The following TEAD1 variants were observed in gnomAD, a reference collection of about 807,000 sequenced individuals.
TEAD1 encodes the protein transcriptional enhancer factor TEF-1.
A neutral mutation model predicts 54.9 loss-of-function variants in TEAD1; 9 were observed. That is an observed-to-expected ratio of 0.16 (90% CI 0.10 to 0.29). The LOEUF (loss-of-function observed/expected upper bound fraction) is 0.29, where lower values mean the gene tolerates loss of function less well. Ranked by LOEUF, TEAD1 falls within the 10% of genes least tolerant of loss-of-function variation. The probability of loss-of-function intolerance (pLI) is 1.00; values close to 1 mark genes in which losing one functional copy is unlikely to be tolerated. For synonymous variants in TEAD1, 200 were observed against 187.8 expected, an observed-to-expected ratio of 1.07 and a Z score of -0.53; for missense variants, 387 against 535.9, an observed-to-expected ratio of 0.72 and a Z score of 2.74.
chr11:12,915,264 C>G (rs1188841528), intron 10 of TEAD1, among the ~76,000 whole-genome samples: 1 of 152,120 alleles, frequency 6.6e-6, no homozygotes, highest in African/African-American at 2.4e-5. Flanking sequence ...TGTCATCCGC[C>G]AAATGCTGCC....
chr11:12,846,292 A>G (rs1279523710), intron 3 of TEAD1, among the ~76,000 whole-genome samples: 1 of 151,780 alleles, frequency 6.6e-6, no homozygotes, highest in Admixed American at 6.6e-5. Context: ...CACAGCTTAA[A>G]CACCTGCCCA....
intron 3 of TEAD1, among the ~76,000 whole-genome samples, chr11:12,765,707 C>G (rs1458871923): frequency 6.6e-6 from 1 of 152,148 alleles, no homozygotes; most frequent in African/African-American, 2.4e-5. Flanking sequence ...ATTGGAGTCT[C>G]TCAGCCTGTC....
rs752522355 is a variant in TEAD1 at position 12,881,971 on chromosome 11, A to C, written c.574+14A>C. The C allele has an allele frequency of 1.9e-5, 30 of 1,613,942 alleles. No homozygotes were observed. Among genetic ancestry groups the C allele is most frequent in the South Asian group, 1.8e-4 (16 of 91,082 alleles). On this transcript the variant is annotated intron_variant, in intron 8 of 12. Coordinates refer to ENST00000527636, the MANE Select transcript of TEAD1 (RefSeq NM_021961.6). ...CCCCCATTCCAGGTGAGTGTCCCTG[A>C]AACTCCTTTTTGGGAGCACAGCCCC...
chr11:12,763,730 T>C (rs556171235), intron 2 of TEAD1, among the ~76,000 whole-genome samples: 1 of 152,340 alleles, frequency 6.6e-6, no homozygotes, highest in East Asian at 1.9e-4. Context: ...TGTTCTGCTT[T>C]GGAGATTTGA....
At chr11:12,816,262 G>T (rs1192330434) in intron 3 of TEAD1, among the ~76,000 whole-genome samples, 1 of 152,020 alleles carries the variant, frequency 6.6e-6, no homozygotes, top group Non-Finnish European at 1.5e-5. Flanking sequence ...TCTCATTCCA[G>T]TGTCTCTGAC....
Position 12,741,915 on chromosome 11 carries a change from C to T in TEAD1, c.-54-22264C>T, listed in dbSNP as rs146981211. Among the ~76,000 whole-genome samples, 953 of 152,304 alleles carry T rather than the reference C, an allele frequency of 6.3e-3. 4 individuals are homozygous for T. The highest frequency in any genetic ancestry group is 0.017 in the Middle Eastern group (5 of 292). ...CTGCCTTGCTTTTCAGCAGAAAAAT[C>T]ATGTGGCTGTCTGTTACCTCAGCTT... is the stretch of plus-strand genomic sequence containing the variant. On this transcript the variant is annotated intron_variant, in intron 2 of 12. Transcript: ENST00000527636.
chr11:12,864,590 G>A (rs1589938022), intron 4 of TEAD1: 1 of 1,042,406 alleles, frequency 9.6e-7, no homozygotes, highest in Non-Finnish European at 1.3e-6. Flanking sequence ...CCCTCCCAAA[G>A]AGTAGCGATT....
intron 11 of TEAD1, among the ~76,000 whole-genome samples, chr11:12,927,250 G>C (rs1357237314): frequency 6.6e-6 from 1 of 152,162 alleles, no homozygotes; most frequent in Non-Finnish European, 1.5e-5. Context: ...GTGTGAAGTA[G>C]TAGTCCACTT....
chr11:12,683,125 T>C (rs781230836), intron 2 of TEAD1, among the ~76,000 whole-genome samples: 6 of 152,226 alleles, frequency 3.9e-5, no homozygotes, highest in Non-Finnish European at 8.8e-5. Flanking sequence ...GTTACCCGAT[T>C]TATTTAGCTT....
At chr11:12,789,636 G>C (rs1055479851) in intron 3 of TEAD1, among the ~76,000 whole-genome samples, 2 of 152,220 alleles carry the variant, frequency 1.3e-5, no homozygotes, top group Non-Finnish European at 2.9e-5. Flanking sequence ...CCTCCAGATG[G>C]CTTTTCAGCC....
chr11:12,933,079 A>G (rs11607257), intron 12 of TEAD1, among the ~76,000 whole-genome samples: 24,186 of 152,076 alleles, frequency 0.16, 2,212 homozygotes, highest in Admixed American at 0.22. Context: ...GAGTAAGTAC[A>G]CTCTATGCTG....
At chr11:12,871,238 A>G (rs376927569) in intron 5 of TEAD1, among the ~76,000 whole-genome samples, 1 of 152,208 alleles carries the variant, frequency 6.6e-6, no homozygotes. Flanking sequence ...CAGCAGTGTC[A>G]CCAACACCAG....
chr11:12,814,056 T>C (rs961711066), intron 3 of TEAD1, among the ~76,000 whole-genome samples: 15 of 152,182 alleles, frequency 9.9e-5, no homozygotes, highest in Admixed American at 8.5e-4. Flanking sequence ...CAAGCTGTTC[T>C]GGGAGCCGTG....
chr11:12,843,790 C>T (rs1947087676), intron 3 of TEAD1, among the ~76,000 whole-genome samples: 1 of 152,198 alleles, frequency 6.6e-6, no homozygotes. Flanking sequence ...GCATGCATCT[C>T]ATTTATGGCG....
At chr11:12,869,038 TG>T (rs1947684174) in intron 5 of TEAD1, among the ~76,000 whole-genome samples, 1 of 152,114 alleles carries the variant, frequency 6.6e-6, no homozygotes, top group South Asian at 2.1e-4. Flanking sequence ...TGGGACTATC[TG>T]GGGGACCATG....
At chr11:12,789,589 A>C (rs541813054) in intron 3 of TEAD1, among the ~76,000 whole-genome samples, 1 of 152,334 alleles carries the variant, frequency 6.6e-6, no homozygotes, top group Admixed American at 6.5e-5. Flanking sequence ...GTGGGAACCC[A>C]GAGTCCTGGT....
chr11:12,933,202 A>T (rs1297143826), intron 12 of TEAD1, among the ~76,000 whole-genome samples: 1 of 152,226 alleles, frequency 6.6e-6, no homozygotes, highest in African/African-American at 2.4e-5. Context: ...TTCAACCAAT[A>T]CAGCCATCCA....
In TEAD1 at chr11:12,713,139, C is replaced by T. The variant is rs529248916; in HGVS notation, c.-55+37578C>T. 3.3e-5 allele frequency among the ~76,000 whole-genome samples: 5 copies of T among 152,300 alleles called. No individual in the cohort carries two copies. In the East Asian group the frequency reaches 9.7e-4, roughly 29 times the overall value. ...GGCTCAAGTGATCCTCCAACCTCAG[C>T]CTCCCAAGTAGCTGGGACTACAGGC... On this transcript the variant is annotated intron_variant, in intron 2 of 12. Transcript: ENST00000527636.
At chr11:12,778,666 A>C (rs551147820) in intron 3 of TEAD1, among the ~76,000 whole-genome samples, 117 of 151,962 alleles carry the variant, frequency 7.7e-4, no homozygotes, top group African/African-American at 1.5e-3. Flanking sequence ...TTAGGCCCCC[A>C]AAAAATGTTT....
Sources: gnomAD v4.1 joint callset for allele counts (sites outside exome capture counted in the v4.1 genomes callset) on GRCh38, gnomAD v4.1.1 for gene constraint, MANE v1.5 for transcripts, NCBI Gene and HGNC (gene_info 2026-07-23, HGNC 2026-07-21) for gene names.